The following ATP2B2 variants were observed in gnomAD, a reference collection of about 807,000 sequenced individuals.
The protein encoded by ATP2B2 is ATPase plasma membrane Ca2+ transporting 2.
Under a neutral mutation model 120.0 loss-of-function variants are expected in ATP2B2, and 15 were observed. The observed-to-expected ratio is 0.12, with a 90% CI of 0.08 to 0.19. The LOEUF is 0.19. ATP2B2 is among the 10% of genes least tolerant of loss of function. ATP2B2 has a pLI of 1.00. For synonymous variants in ATP2B2, 694 were observed against 700.3 expected (o/e 0.99, Z 0.14); for missense variants, 1,045 against 1,719.8 (o/e 0.61, Z 6.94).
chr3:10,486,915 T>C (rs1453977940), intron 1 of ATP2B2, among the ~76,000 whole-genome samples: 1 of 152,096 alleles, frequency 6.6e-6, no homozygotes, highest in Admixed American at 6.5e-5. Flanking sequence ...AGATGGGGTT[T>C]CATCTCTACT....
At chr3:10,350,085 G>T (rs750125583) in intron 16 of ATP2B2, 27 bp downstream of exon 16, 1 of 1,610,490 alleles carries the variant, frequency 6.2e-7, no homozygotes, top group Admixed American at 1.7e-5. Context: ...TGGGCTTCAG[G>T]ATTGCCCGTG....
Position 10,402,362 on chromosome 3 carries a change from T to C in ATP2B2, c.398-14A>G, listed in dbSNP as rs757436872. The stretch of plus-strand genomic sequence containing the variant: ...CCGTCGCACATCCTGAAAGACCAGA[T>C]AGAAGCAGGCAGAGTGAGGTCAACC... On this transcript the variant is annotated splice_polypyrimidine_tract_variant and intron_variant, in intron 3 of 22. Coordinates refer to ENST00000360273, the MANE Select transcript of ATP2B2 (RefSeq NM_001001331.4). The surrounding 1 kb of genome is among the most constrained non-coding windows in gnomAD (Gnocchi z 4.9). 1.1e-5 allele frequency: 18 copies of C among 1,612,116 alleles called. No individual in the cohort carries two copies. In the African/African-American group the frequency reaches 1.5e-4, roughly 13 times the overall value.
At chr3:10,532,506 G>A (rs1274980625) in intron 3 of ATP2B2, among the ~76,000 whole-genome samples, 2 of 152,196 alleles carry the variant, frequency 1.3e-5, no homozygotes, top group African/African-American at 4.8e-5. Flanking sequence ...CGACGTCACC[G>A]CCTCTCCCTG....
intron 5 of ATP2B2, chr3:10,394,603 C>T (rs1331286085): frequency 2.2e-6 from 1 of 449,332 alleles, no homozygotes; most frequent in Non-Finnish European, 4.8e-6. Flanking sequence ...ACGGTGTCGT[C>T]CTAGGCTCCC....
At chr3:10,568,802 C>A (rs2068063623) in intron 2 of ATP2B2, among the ~76,000 whole-genome samples, 1 of 152,196 alleles carries the variant, frequency 6.6e-6, no homozygotes, top group Admixed American at 6.5e-5. Context: ...GTTTCCACTG[C>A]TCAGAATGCA....
In ATP2B2 at chr3:10,346,554, C is replaced by G. The variant is rs1315590256; in HGVS notation, c.2405-417G>C. Among the ~76,000 whole-genome samples, 1 of 152,274 alleles carries G rather than the reference C, an allele frequency of 6.6e-6. No homozygotes were observed. Among genetic ancestry groups the G allele is most frequent in the Non-Finnish European group, 1.5e-5 (1 of 68,044 alleles). ...GACACCACTAGCCAGCACTTTCTCC[C>G]TGGGGAGTCCAGGCTTGCTGAGGAG... On this transcript the variant is annotated intron_variant, in intron 16 of 22. Transcript: ENST00000360273. The surrounding 1 kb of genome is among the most constrained non-coding windows in gnomAD (Gnocchi z 4.1).
intron 1 of ATP2B2, among the ~76,000 whole-genome samples, chr3:10,646,611 G>A (rs1559502757): frequency 6.6e-6 from 1 of 152,018 alleles, no homozygotes; most frequent in Non-Finnish European, 1.5e-5. Flanking sequence ...TACCCCCAAA[G>A]CCCCTCCCTG....
At chr3:10,485,622 T>C (rs2065614846) in intron 1 of ATP2B2, among the ~76,000 whole-genome samples, 1 of 152,192 alleles carries the variant, frequency 6.6e-6, no homozygotes, top group Admixed American at 6.5e-5. Context: ...CTGCCAGATT[T>C]TCTCCAGAGA....
At chr3:10,492,371 C>T (rs1022503412) in intron 1 of ATP2B2, among the ~76,000 whole-genome samples, 2 of 152,180 alleles carry the variant, frequency 1.3e-5, no homozygotes, top group South Asian at 4.1e-4. Context: ...TCATTAAGGG[C>T]TCTTTAAGCT....
At chr3:10,503,904 A>G (rs2066494816) in intron 1 of ATP2B2, among the ~76,000 whole-genome samples, 1 of 152,196 alleles carries the variant, frequency 6.6e-6, no homozygotes, top group African/African-American at 2.4e-5. Flanking sequence ...GTATGTGTGT[A>G]CTGCATTCGT....
In ATP2B2 at chr3:10,635,340, G is replaced by C. The variant is rs924955644; in HGVS notation, c.-459-15379C>G. 1.3e-5 allele frequency among the ~76,000 whole-genome samples: 2 copies of C among 152,094 alleles called. No individual in the cohort carries two copies. Among genetic ancestry groups the C allele is most frequent in the African/African-American group, 4.8e-5 (2 of 41,416 alleles). ...GAGTCTCTGGTTGAGAGTTCCAGTG[G>C]TTAGGAATGTTGCACCCCAAGTAAT... On this transcript the variant is annotated intron_variant, in intron 1 of 21. Coordinates refer to the ATP2B2 transcript ENST00000646379. This position sits in a 1 kb window ranked among gnomAD's most constrained non-coding sequence, Gnocchi z 4.3.
At chr3:10,429,322 G>A (rs1311639781) in intron 2 of ATP2B2, among the ~76,000 whole-genome samples, 5 of 152,180 alleles carry the variant, frequency 3.3e-5, no homozygotes, top group Non-Finnish European at 7.3e-5. Flanking sequence ...TTCACAAATT[G>A]AAGGTTTGCG....
intron 1 of ATP2B2, among the ~76,000 whole-genome samples, chr3:10,487,243 C>T (rs923816227): frequency 3.3e-5 from 5 of 151,972 alleles, no homozygotes; most frequent in African/African-American, 9.7e-5. Flanking sequence ...TGTGTGTGCG[C>T]ACACACACAC....
chr3:10,506,094 C>T (rs1407617540), upstream of ATP2B2, among the ~76,000 whole-genome samples: 1 of 152,058 alleles, frequency 6.6e-6, no homozygotes, highest in East Asian at 1.9e-4. Flanking sequence ...CCCCTCTTTG[C>T]AGTCAAGGCA....
intron 2 of ATP2B2, among the ~76,000 whole-genome samples, chr3:10,575,001 G>A (rs2068211677): frequency 6.6e-6 from 1 of 152,136 alleles, no homozygotes; most frequent in South Asian, 2.1e-4. Context: ...GCCGGGCTGG[G>A]ACACACCCAG....
intron 5 of ATP2B2, among the ~76,000 whole-genome samples, chr3:10,390,157 G>A (rs924137984): frequency 2.0e-5 from 3 of 152,150 alleles, no homozygotes; most frequent in Middle Eastern, 3.2e-3. Flanking sequence ...GTGACTCTCC[G>A]ACATGCCATG....
intron 1 of ATP2B2, among the ~76,000 whole-genome samples, chr3:10,689,673 C>T (rs537621369): frequency 4.6e-5 from 7 of 152,324 alleles, no homozygotes; most frequent in Non-Finnish European, 8.8e-5. Flanking sequence ...TCCTCCTCAT[C>T]CTGCTGAGGA....
At chr3:10,370,527 G>A (rs778617958) in intron 12 of ATP2B2, among the ~76,000 whole-genome samples, 3 of 152,196 alleles carry the variant, frequency 2.0e-5, no homozygotes, top group East Asian at 1.9e-4. Context: ...TACTTTCCCC[G>A]TTGTCAGTTC....
rs2062242893 is a variant in ATP2B2 at position 10,402,129 on chromosome 3, G to T, written c.617C>A (p.Ala206Asp). The T allele has an allele frequency of 6.2e-7, 1 of 1,614,124 alleles. No homozygotes were observed. The highest frequency in any genetic ancestry group is 8.5e-7 in the Non-Finnish European group (1 of 1,180,034). ...GGCTATGTCCCCAACCACGATCTCA[G>T]CCACAGGGATCTGGACCACCTGGCC... ...RAGQVVQIPVAEIVVGDIAQV... is the reference protein window; with the variant it reads ...RAGQVVQIPVDEIVVGDIAQV... The change falls in exon 4 of 23, where the codon GCT (alanine) becomes GAT (aspartate). Residue 206 changes from alanine to aspartate, a missense_variant. By Grantham distance (126) the Ala-to-Asp change is moderately radical. Around this residue, in one of 11 missense-constraint regions of ATP2B2, gnomAD observed 35 missense variants for 29.9 expected, o/e 1.17. Transcript: ENST00000360273. The surrounding 1 kb of genome is among the most constrained non-coding windows in gnomAD (Gnocchi z 4.9).
Sources: gnomAD v4.1 joint callset for allele counts (sites outside exome capture counted in the v4.1 genomes callset) on GRCh38, gnomAD v4.1.1 for gene constraint, gnomAD v4.1.1 regional missense constraint, Gnocchi (gnomAD v3.1) non-coding constraint, MANE v1.5 for transcripts, NCBI Gene and HGNC (gene_info 2026-07-23, HGNC 2026-07-21) for gene names.